Variants in GRIN2B observed in about 807,000 individuals in gnomAD.
GRIN2B encodes the protein glutamate ionotropic receptor NMDA type subunit 2B, also known as glutamate receptor ionotropic, NMDA 2B.
GRIN2B carries 5 observed loss-of-function variants against 114.5 expected under a neutral mutation model. The observed-to-expected ratio is 0.04, with a 90% CI of 0.02 to 0.09. The LOEUF (loss-of-function observed/expected upper bound fraction) is 0.09, where lower values mean the gene tolerates loss of function less well. Among genes scored for constraint, GRIN2B ranks in the 10% least tolerant of loss-of-function variants. The probability of loss-of-function intolerance (pLI) is 1.00; values close to 1 mark genes in which losing one functional copy is unlikely to be tolerated. For synonymous variants in GRIN2B, 787 were observed against 745.1 expected, an observed-to-expected ratio of 1.06 and a Z score of -0.92; for missense variants, 1,108 against 1,943.5, an observed-to-expected ratio of 0.57 and a Z score of 8.08.
chr12:13,604,292 C>T (rs563502940), intron 10 of GRIN2B, among the ~76,000 whole-genome samples: 1 of 152,266 alleles, frequency 6.6e-6, no homozygotes, highest in Admixed American at 6.5e-5. Context: ...AAATGGAAGC[C>T]TTCCAGTATA....
At chr12:13,734,224 C>G (rs2136607993) in intron 4 of GRIN2B, among the ~76,000 whole-genome samples, 1 of 152,184 alleles carries the variant, frequency 6.6e-6, no homozygotes, top group East Asian at 1.9e-4. Flanking sequence ...TTGTGATATT[C>G]AAGATATGGG....
intron 2 of GRIN2B, among the ~76,000 whole-genome samples, chr12:13,926,675 C>A (rs1298264821): frequency 1.3e-5 from 2 of 152,138 alleles, no homozygotes; most frequent in Admixed American, 1.3e-4. Context: ...AATTTGTGGC[C>A]GGGTGTGGTG....
chr12:13,773,576 G>A (rs1017804261), intron 3 of GRIN2B, among the ~76,000 whole-genome samples: 49 of 152,162 alleles, frequency 3.2e-4, no homozygotes, highest in African/African-American at 1.1e-3. Flanking sequence ...GGAGTATGAC[G>A]AAACTGTTCT....
At chr12:13,633,819 T>A (rs1949639109) in intron 5 of GRIN2B, among the ~76,000 whole-genome samples, 1 of 152,150 alleles carries the variant, frequency 6.6e-6, no homozygotes, top group Non-Finnish European at 1.5e-5. Flanking sequence ...TCATACCCAG[T>A]CAGTAACACC....
chr12:13,919,108 C>T (rs1251541819), intron 2 of GRIN2B, among the ~76,000 whole-genome samples: 1 of 152,220 alleles, frequency 6.6e-6, no homozygotes, highest in African/African-American at 2.4e-5. Flanking sequence ...TCCAAAAGCT[C>T]TACATTTATC....
intron 4 of GRIN2B, among the ~76,000 whole-genome samples, chr12:13,724,982 C>G (rs1301484602): frequency 6.6e-6 from 1 of 152,124 alleles, no homozygotes; most frequent in Non-Finnish European, 1.5e-5. Flanking sequence ...CCTTTTCTTC[C>G]CCCTTCATCT....
In GRIN2B at chr12:13,605,520, G is replaced by GTCTCTCTCTCTCTC. The variant is rs3081918; in HGVS notation, c.2010+3069_2010+3082dup. ...GAAATTATTTGCAAAGGTCTTGAAA[G>GTCTCTCTCTCTCTC]TCTCTCTCTCTCTCTCTCTCTCTCT... On this transcript the variant is annotated intron_variant, in intron 10 of 13. Coordinates refer to ENST00000609686, the MANE Select transcript of GRIN2B (RefSeq NM_000834.5). 7.5e-3 allele frequency among the ~76,000 whole-genome samples: 859 copies of GTCTCTCTCTCTCTC among 114,966 alleles called. 15 individuals are homozygous for GTCTCTCTCTCTCTC. The highest frequency in any genetic ancestry group is 0.024 in the African/African-American group (703 of 29,460). 75.4% of individuals were successfully genotyped at this position (114,966 alleles called of 152,430 possible).
chr12:13,787,440 A>G (rs974118964), intron 3 of GRIN2B, among the ~76,000 whole-genome samples: 7 of 152,260 alleles, frequency 4.6e-5, no homozygotes, highest in African/African-American at 1.4e-4. Context: ...AAACATCTGC[A>G]TTATTTCAGG....
intron 10 of GRIN2B, among the ~76,000 whole-genome samples, chr12:13,592,995 A>G (rs1381744248): frequency 6.6e-6 from 1 of 152,224 alleles, no homozygotes; most frequent in Non-Finnish European, 1.5e-5. Flanking sequence ...ATGAAGGCCC[A>G]GTTTACAGAT....
intron 3 of GRIN2B, among the ~76,000 whole-genome samples, chr12:13,821,328 G>A (rs1864932218): frequency 6.6e-6 from 1 of 152,202 alleles, no homozygotes; most frequent in Non-Finnish European, 1.5e-5. Context: ...AGAGGGCTCT[G>A]TTCACACACA....
chr12:13,837,367 C>G (rs1007894721), intron 3 of GRIN2B, among the ~76,000 whole-genome samples: 76 of 152,210 alleles, frequency 5.0e-4, no homozygotes, highest in African/African-American at 1.5e-3. Flanking sequence ...TCCTGCATTT[C>G]TGCACTTGTA....
rs1948429376 is a variant in GRIN2B at position 13,552,753 on chromosome 12, G to A, written c.*10030C>T. On this transcript the variant is annotated 3_prime_UTR_variant, in exon 14 of 14. Transcript: ENST00000609686. ...GGAGCAAGGCTATCTAGACCCCATAGGACTTTTGAAAAGCAAAATTATCTC... is the reference window on the plus strand; with the variant it reads ...GGAGCAAGGCTATCTAGACCCCATAAGACTTTTGAAAAGCAAAATTATCTC... 1 of 152,070 alleles carries A rather than the reference G, an allele frequency of 6.6e-6. No individual in the cohort carries two copies. The highest frequency in any genetic ancestry group is 1.5e-5 in the Non-Finnish European group (1 of 68,010). The allele number at this position is 152,070 out of a possible 1,614,324, so 9.4% of individuals were successfully genotyped here.
In GRIN2B at chr12:13,978,458, T is replaced by C. The variant is rs538520310; in HGVS notation, c.-19+1470A>G. On this transcript the variant is annotated intron_variant, in intron 2 of 13. Coordinates refer to ENST00000609686, the MANE Select transcript of GRIN2B (RefSeq NM_000834.5). ...ACCTAGAGAAGGGGGATAGTGAATT[T>C]GGATTACATCTATCCTTTCTGGACA... Among the ~76,000 whole-genome samples, 16 of 152,338 alleles carry C rather than the reference T, an allele frequency of 1.1e-4. 1 individual carries two copies. The highest frequency in any genetic ancestry group is 1.6e-4 in the Non-Finnish European group (11 of 68,036).
intron 10 of GRIN2B, among the ~76,000 whole-genome samples, chr12:13,577,386 A>T (rs1029028303): frequency 6.6e-6 from 1 of 152,192 alleles, no homozygotes; most frequent in Non-Finnish European, 1.5e-5. Context: ...CTCAGCCTCC[A>T]TCTTAATGAC....
chr12:13,616,809 A>T, intron 5 of GRIN2B, 152 bp from the exon 6 acceptor site: 1 of 705,692 alleles, frequency 1.4e-6, no homozygotes, highest in Non-Finnish European at 2.6e-6. Context: ...TACTTTTTAA[A>T]TCATGTGCCC....
At chr12:13,884,660 T>A (rs1866125015) in intron 2 of GRIN2B, among the ~76,000 whole-genome samples, 2 of 152,096 alleles carry the variant, frequency 1.3e-5, no homozygotes, top group Admixed American at 6.5e-5. Flanking sequence ...ACAGAGAACA[T>A]CCTTATCTTC....
At chr12:13,721,055 G>T (rs1950504067) in intron 4 of GRIN2B, among the ~76,000 whole-genome samples, 1 of 152,008 alleles carries the variant, frequency 6.6e-6, no homozygotes, top group Admixed American at 6.6e-5. Context: ...AAGCTGCTTG[G>T]TATTGGGTAG....
At chr12:13,742,373 T>G (rs1220861945) in intron 4 of GRIN2B, among the ~76,000 whole-genome samples, 1 of 152,234 alleles carries the variant, frequency 6.6e-6, no homozygotes. Flanking sequence ...TATAAACAAA[T>G]ATCTCAAAGT....
intron 5 of GRIN2B, among the ~76,000 whole-genome samples, chr12:13,656,837 C>T (rs1949869347): frequency 6.6e-6 from 1 of 152,130 alleles, no homozygotes; most frequent in Non-Finnish European, 1.5e-5. Context: ...ACTAGATGGA[C>T]CATAAGAATT....
Sources: gnomAD v4.1 joint callset for allele counts (sites outside exome capture counted in the v4.1 genomes callset) on GRCh38, gnomAD v4.1.1 for gene constraint, MANE v1.5 for transcripts, NCBI Gene and HGNC (gene_info 2026-07-23, HGNC 2026-07-21) for gene names.